The following NAAA variants were observed in gnomAD, a reference collection of about 807,000 sequenced individuals.
NAAA encodes the protein N-acylethanolamine-hydrolyzing acid amidase.
Under a neutral mutation model 44.8 loss-of-function variants are expected in NAAA, and 39 were observed. The observed-to-expected ratio is 0.87, with a 90% confidence interval of 0.67 to 1.14. The LOEUF is 1.14. NAAA is among the 50% of genes most tolerant of loss of function. The pLI is 0.00. For synonymous variants in NAAA, 178 were observed against 191.3 expected (o/e 0.93, Z 0.58); for missense variants, 460 against 467.8 (o/e 0.98, Z 0.15).
chr4:75,940,351 C>A, intron 1 of NAAA, 186 bp from the exon 2 acceptor site: 1 of 221,750 alleles, frequency 4.5e-6, no homozygotes. Flanking sequence ...GGGAAGGGGG[C>A]GGGGGGAAGG....
chr4:75,926,022 A>G (rs1400531319), intron 4 of NAAA, among the ~76,000 whole-genome samples: 1 of 152,234 alleles, frequency 6.6e-6, no homozygotes, highest in East Asian at 1.9e-4. Context: ...CATCAAGGGA[A>G]GTGTCTTAAT....
intron 7 of NAAA, among the ~76,000 whole-genome samples, chr4:75,920,263 C>T (rs75722557): frequency 0.024 from 3,580 of 152,240 alleles, 99 homozygotes; most frequent in African/African-American, 0.065. Context: ...GCCAAGGCAA[C>T]GTATATAGCT....
At chr4:75,917,779 A>T (rs1244932628) in intron 9 of NAAA, 3 of 297,146 alleles carry the variant, frequency 1.0e-5, no homozygotes, top group East Asian at 1.1e-4. Flanking sequence ...TTTCACTTAA[A>T]AAAAAAAAAA....
rs375040596 is a variant in NAAA, at chr4:75,940,868, C to A, written c.82G>T (p.Ala28Ser). ...LLLAGAGLSAASPPAAPRFNV... is the reference protein window; with the variant it reads ...LLLAGAGLSASSPPAAPRFNV... ...AAGCGCGGCGCTGCTGGGGGCGAGG[C>A]GGCTGACAGCCCGGCCCCGGCCAGC... The change falls in exon 1 of 11, where the codon GCC becomes TCC. Residue 28 changes from alanine to serine, a missense_variant. By Grantham distance (99) the Ala-to-Ser change is moderately conservative. Coordinates refer to ENST00000286733, the MANE Select transcript of NAAA (RefSeq NM_014435.4). 7.9e-5 allele frequency: 125 copies of A among 1,573,258 alleles called. No individual in the cohort carries two copies. The African/African-American group carries it at 1.5e-3, about 19-fold the overall frequency.
intron 9 of NAAA, among the ~76,000 whole-genome samples, chr4:75,918,124 T>C (rs952487065): frequency 6.6e-6 from 1 of 152,172 alleles, no homozygotes; most frequent in Non-Finnish European, 1.5e-5. Context: ...TCCTTCTAGT[T>C]TGACAACACT....
At chr4:75,918,393 T>G (rs1458676662) in intron 9 of NAAA, among the ~76,000 whole-genome samples, 2 of 151,916 alleles carry the variant, frequency 1.3e-5, no homozygotes, top group South Asian at 2.1e-4. Flanking sequence ...AGGCAGAGCT[T>G]GCAGTGAGCC....
At chr4:75,917,772 C>T in intron 9 of NAAA, 1 of 379,532 alleles carries the variant, frequency 2.6e-6, no homozygotes. Flanking sequence ...GGCCTGCTTT[C>T]ACTTAAAAAA....
downstream of NAAA, among the ~76,000 whole-genome samples, chr4:75,910,878 G>T (rs559191165): frequency 5.9e-5 from 9 of 152,228 alleles, no homozygotes; most frequent in East Asian, 1.7e-3. Context: ...TAATCACCTG[G>T]GTGCACGTGG....
At chr4:75,939,936 C>G in intron 2 of NAAA, 65 bp downstream of exon 2, 1 of 1,575,536 alleles carries the variant, frequency 6.3e-7, no homozygotes, top group Non-Finnish European at 8.7e-7. Context: ...ATGTCTCCTC[C>G]CGCTAGTCTG....
intron 5 of NAAA, among the ~76,000 whole-genome samples, chr4:75,924,907 G>C (rs916953135): frequency 6.6e-6 from 1 of 152,156 alleles, no homozygotes; most frequent in Admixed American, 6.6e-5. Flanking sequence ...ACTCCAGGCT[G>C]TCAAAAGAAT....
chr4:75,930,604 C>T (rs1248041475), intron 4 of NAAA: 3 of 419,706 alleles, frequency 7.1e-6, no homozygotes, highest in Non-Finnish European at 1.4e-5. Context: ...TCTTCTGCTT[C>T]CATCTTAACC....
intron 1 of NAAA, 123 bp downstream of exon 1, chr4:75,940,621 A>T (rs1728182185): frequency 3.5e-6 from 4 of 1,158,990 alleles, no homozygotes; most frequent in Non-Finnish European, 3.5e-6. Flanking sequence ...GGCAGCCAAA[A>T]CCAGTTCTCC....
At chr4:75,928,473 G>A (rs988822556) in intron 4 of NAAA, among the ~76,000 whole-genome samples, 2 of 152,180 alleles carry the variant, frequency 1.3e-5, no homozygotes, top group Non-Finnish European at 2.9e-5. Context: ...AATTGGTTGG[G>A]TAGAGGTGCC....
chr4:75,925,739 C>T lies in NAAA; in HGVS notation c.662G>A (p.Arg221His), dbSNP rs1726619395. ...RRHIPVSWLI[R>H]ATLSESENFE... is the part of the protein sequence containing the mutation. ...CTCCACATTAAATATACTCACAGCG[C>T]GGATCAGCCAGCTGACGGGAATGTG... Residue 221 changes from arginine (R) to histidine (H), a missense_variant, in exon 5 of 11, where the codon CGC becomes CAC. By Grantham distance (29) the Arg-to-His change is conservative. Transcript: ENST00000286733. The T allele has an allele frequency of 2.5e-6, 4 of 1,614,130 alleles. No homozygotes were observed. The highest frequency in any genetic ancestry group is 3.4e-6 in the Non-Finnish European group (4 of 1,180,004).
Position 75,931,291 on chromosome 4 carries a change from C to A in NAAA, c.512G>T (p.Gly171Val), listed in dbSNP as rs1727210300. The A allele has an allele frequency of 6.2e-7, 1 of 1,609,556 alleles. No individual in the cohort carries two copies. Among genetic ancestry groups the A allele is most frequent in the Non-Finnish European group, 8.5e-7 (1 of 1,176,504 alleles). Residue 171 changes from glycine (G) to valine (V), a missense_variant, in exon 4 of 11, where the codon GGA becomes GTA. Coordinates refer to ENST00000286733, the MANE Select transcript of NAAA (RefSeq NM_014435.4). ...FLKNGQIAFT[G>V]TTFIGYVGLW... ...TCCTACATAGCCAATAAAAGTAGTTCCTGTGAATGCAATCTGAAATCAAGA... is the reference window on the plus strand; with the variant it reads ...TCCTACATAGCCAATAAAAGTAGTTACTGTGAATGCAATCTGAAATCAAGA...
intron 5 of NAAA, among the ~76,000 whole-genome samples, chr4:75,921,509 G>A (rs1472743792): frequency 6.6e-6 from 1 of 152,196 alleles, no homozygotes; most frequent in African/African-American, 2.4e-5. Flanking sequence ...GTGGGGGATA[G>A]AGCAGTGAAT....
chr4:75,923,447 G>T (rs1384931559), intron 5 of NAAA, among the ~76,000 whole-genome samples: 2 of 152,140 alleles, frequency 1.3e-5, no homozygotes, highest in African/African-American at 4.8e-5. Flanking sequence ...CAAGCTGGAA[G>T]CTTGCACGGG....
chr4:75,927,219 CA>C (rs1726783473), intron 4 of NAAA, among the ~76,000 whole-genome samples: 1 of 149,884 alleles, frequency 6.7e-6, no homozygotes, highest in South Asian at 2.1e-4. Flanking sequence ...TTTGGGAGAC[CA>C]AAGTGGGTGG....
At position 75,940,902 on chromosome 4, in the gene NAAA, C is replaced by A; in HGVS notation, c.48G>T (p.Leu16=). The change falls in exon 1 of 11, where the codon CTG becomes CTT. Residue 16 remains leucine (L), a synonymous_variant. Transcript: ENST00000286733. The part of the protein sequence containing the change: ...REARPGLPSL[L]LLLLAGAGLS... Reference sequence around the variant, plus strand: ...GCCCGGCCCCGGCCAGCAGCAGCAGCAGCAGGGACGGAAGCCCCGGGCGCG... The same window carrying A: ...GCCCGGCCCCGGCCAGCAGCAGCAGAAGCAGGGACGGAAGCCCCGGGCGCG... The A allele has an allele frequency of 1.3e-6, 2 of 1,531,132 alleles. No individual in the cohort carries two copies. The highest frequency in any genetic ancestry group is 5.2e-5 in the East Asian group (2 of 38,670). The allele number at this position is 1,531,132 out of a possible 1,614,324, so 94.8% of individuals were successfully genotyped here.
Sources: allele counts gnomAD v4.1 joint callset (sites outside exome capture counted in the v4.1 genomes callset), GRCh38; gene constraint gnomAD v4.1.1; transcripts MANE v1.5; gene names NCBI Gene and HGNC (gene_info 2026-07-23, HGNC 2026-07-21).